The following ELP4 variants were observed in gnomAD, a reference collection of about 807,000 sequenced individuals.
ELP4 encodes elongator complex protein 4.
A neutral mutation model predicts 48.9 loss-of-function variants in ELP4; 51 were observed. The observed-to-expected ratio is 1.04, with a 90% confidence interval of 0.83 to 1.32. The LOEUF (loss-of-function observed/expected upper bound fraction) is 1.32. Among genes scored for constraint, ELP4 ranks in the 40% most tolerant of loss-of-function variants. The pLI, the probability that ELP4 is intolerant of heterozygous loss-of-function variation, is 0.00. For missense variants in ELP4, 519 were observed against 514.6 expected (o/e 1.01, Z -0.08); for synonymous variants, 210 against 189.2 (o/e 1.11, Z -0.90).
At chr11:31,687,872 G>GT (rs1430224514) in intron 9 of ELP4, among the ~76,000 whole-genome samples, 1 of 152,062 alleles carries the variant, frequency 6.6e-6, no homozygotes, top group Non-Finnish European at 1.5e-5. Flanking sequence ...AAGAATCAGG[G>GT]TTACCCCCAA....
intron 9 of ELP4, among the ~76,000 whole-genome samples, chr11:31,742,283 A>T (rs1293437549): frequency 3.3e-5 from 5 of 152,210 alleles, no homozygotes; most frequent in Non-Finnish European, 1.5e-5. Context: ...GTGTACCTGA[A>T]AGTGACGGTG....
rs180833410 is a variant in ELP4 at position 31,667,767 on chromosome 11, T to C, written c.1143+17546T>C. ...GTACTATGAAAGTAACTTAGTAAAC[T>C]ATATATATTCTTTATGCCAAAAGCA... On this transcript the variant is annotated intron_variant, in intron 9 of 9. Transcript: ENST00000640961. Among the ~76,000 whole-genome samples, 3 of 152,270 alleles carry C rather than the reference T, an allele frequency of 2.0e-5. No homozygotes were observed. The East Asian group carries it at 5.8e-4, about 29-fold the overall frequency.
chr11:31,611,905 GTCTT>G (rs1407583864), intron 5 of ELP4, among the ~76,000 whole-genome samples: 1 of 152,226 alleles, frequency 6.6e-6, no homozygotes, highest in Admixed American at 6.5e-5. Flanking sequence ...TTCACTCAAA[GTCTT>G]TCTAAGTGGA....
intron 9 of ELP4, among the ~76,000 whole-genome samples, chr11:31,754,628 T>C (rs1417137758): frequency 6.6e-6 from 1 of 152,094 alleles, no homozygotes; most frequent in African/African-American, 2.4e-5. Context: ...CCCAGCACTT[T>C]GGGAGGCCGA....
chr11:31,656,428 G>T (rs1400071619), intron 9 of ELP4, among the ~76,000 whole-genome samples: 1 of 151,810 alleles, frequency 6.6e-6, no homozygotes, highest in Non-Finnish European at 1.5e-5. Context: ...TTTCTGTGTG[G>T]TCATCAACAC....
chr11:31,607,644 G>A lies in ELP4; in HGVS notation c.653+3737G>A, dbSNP rs557575294. 3.5e-3 allele frequency among the ~76,000 whole-genome samples: 530 copies of A among 152,242 alleles called. 1 individual carries two copies. Among genetic ancestry groups the A allele is most frequent in the Non-Finnish European group, 6.5e-3 (442 of 68,022 alleles). On this transcript the variant is annotated intron_variant, in intron 5 of 9. Coordinates refer to ENST00000640961, the MANE Select transcript of ELP4 (RefSeq NM_019040.5). ...TTGTAGGGTACACTTTCAAACTATTGCACAGACTGATCTGACGATGTTAGT... is the reference window on the plus strand; with the variant it reads ...TTGTAGGGTACACTTTCAAACTATTACACAGACTGATCTGACGATGTTAGT...
At chr11:31,659,149 A>G (rs1439004600) in intron 9 of ELP4, among the ~76,000 whole-genome samples, 1 of 152,154 alleles carries the variant, frequency 6.6e-6, no homozygotes, top group African/African-American at 2.4e-5. Context: ...AGTAGAATGT[A>G]ATGGGAATGT....
chr11:31,778,242 C>T (rs1194840496), intron 9 of ELP4, among the ~76,000 whole-genome samples: 1 of 152,196 alleles, frequency 6.6e-6, no homozygotes, highest in African/African-American at 2.4e-5. Flanking sequence ...TTACATACCC[C>T]ACTTTCACTC....
In ELP4 at chr11:31,627,179, T is replaced by A. The variant is rs200030873; in HGVS notation, c.723T>A (p.Asp241Glu). 14 of 1,585,938 alleles carry A rather than the reference T, an allele frequency of 8.8e-6. No individual in the cohort carries two copies. The highest frequency in any genetic ancestry group is 1.1e-5 in the Non-Finnish European group (13 of 1,164,680). Residue 241 changes from aspartate (D) to glutamate (E), a missense_variant, in exon 6 of 10, where the codon GAT (aspartate) becomes GAA (glutamate). Physicochemically the swap from Asp to Glu is conservative, Grantham distance 45. Coordinates refer to ENST00000640961, the MANE Select transcript of ELP4 (RefSeq NM_019040.5). ...ACATCATTTATGAGGAAGGATTTGA[T>A]GGATCCAATCCTCAGGTATTAAATA... The part of the protein sequence containing the change: ...IQNIIYEEGF[D>E]GSNPQKKQRN...
chr11:31,602,049 G>GT (rs1957793557), intron 4 of ELP4, among the ~76,000 whole-genome samples: 2 of 151,958 alleles, frequency 1.3e-5, no homozygotes, highest in African/African-American at 4.8e-5. Context: ...GAAACTTCTG[G>GT]TTTTTTCTTT....
intron 9 of ELP4, among the ~76,000 whole-genome samples, chr11:31,700,542 GT>G (rs1408279383): frequency 6.6e-6 from 1 of 152,062 alleles, no homozygotes; most frequent in East Asian, 1.9e-4. Flanking sequence ...CTGTGGGTCT[GT>G]ATAAGGTATC....
At chr11:31,520,418 A>T (rs1956193755) in intron 2 of ELP4, among the ~76,000 whole-genome samples, 1 of 152,170 alleles carries the variant, frequency 6.6e-6, no homozygotes, top group African/African-American at 2.4e-5. Context: ...TATTACAGGG[A>T]TCAATTTGGG....
intron 9 of ELP4, among the ~76,000 whole-genome samples, chr11:31,750,481 A>G (rs1389131088): frequency 6.6e-6 from 1 of 151,984 alleles, no homozygotes; most frequent in African/African-American, 2.4e-5. Flanking sequence ...CCCTCAGGCT[A>G]CCTGGGATGC....
rs1032351307 is a variant in ELP4, at chr11:31,785,973, G to A, written c.*2449G>A. On this transcript the variant is annotated 3_prime_UTR_variant, in exon 10 of 10. Transcript: ENST00000640961. ...TATATGAACTTCAAAACCCTATATGGTACTCATTTCTTACACTAGATTTGC... is the reference window on the plus strand; with the variant it reads ...TATATGAACTTCAAAACCCTATATGATACTCATTTCTTACACTAGATTTGC... The A allele has an allele frequency of 2.0e-5, 4 of 201,858 alleles. No homozygotes were observed. Among genetic ancestry groups the A allele is most frequent in the South Asian group, 1.9e-4 (1 of 5,276 alleles). 12.5% of individuals were successfully genotyped at this position (201,858 alleles called of 1,614,324 possible).
At chr11:31,670,656 A>G (rs574982003) in intron 9 of ELP4, among the ~76,000 whole-genome samples, 10 of 152,280 alleles carry the variant, frequency 6.6e-5, no homozygotes, top group African/African-American at 2.4e-4. Context: ...CTCCACAATA[A>G]TACAAAGTGA....
intron 9 of ELP4, among the ~76,000 whole-genome samples, chr11:31,706,537 T>A (rs930999111): frequency 1.1e-4 from 16 of 147,996 alleles, no homozygotes; most frequent in Admixed American, 9.5e-4. Context: ...TTTAATTTGT[T>A]TATATATTTA....
At chr11:31,725,657 C>T (rs1203138805) in intron 9 of ELP4, among the ~76,000 whole-genome samples, 1 of 152,208 alleles carries the variant, frequency 6.6e-6, no homozygotes, top group African/African-American at 2.4e-5. Flanking sequence ...AAAATCTTTT[C>T]ACCACAAGCA....
At chr11:31,577,836 T>A (rs981240815) in intron 3 of ELP4, among the ~76,000 whole-genome samples, 3 of 152,138 alleles carry the variant, frequency 2.0e-5, no homozygotes, top group African/African-American at 7.2e-5. Context: ...ACAGCCAACA[T>A]CATACTGAAT....
At chr11:31,736,330 C>A (rs6484535) in intron 9 of ELP4, among the ~76,000 whole-genome samples, 105,801 of 152,076 alleles carry the variant, frequency 0.7, 38,394 homozygotes, top group African/African-American at 0.92. Context: ...TTAATTCAAG[C>A]TGGATTAAAG....
Sources: allele counts gnomAD v4.1 joint callset (sites outside exome capture counted in the v4.1 genomes callset), GRCh38; gene constraint gnomAD v4.1.1; transcripts MANE v1.5; gene names NCBI Gene and HGNC (gene_info 2026-07-23, HGNC 2026-07-21).